The following TICAM2 variants were observed in gnomAD, a reference collection of about 807,000 sequenced individuals.
TICAM2 encodes TIR domain-containing adapter molecule 2.
Under a neutral mutation model 7.3 loss-of-function variants are expected in TICAM2, and 8 were observed. That is an observed-to-expected ratio of 1.10 (90% CI 0.65 to 1.99). The LOEUF is 1.99. Among genes scored for constraint, TICAM2 ranks in the 30% most tolerant of loss-of-function variants. TICAM2 has a pLI of 0.00. For missense variants in TICAM2, 304 were observed against 278.8 expected (o/e 1.09, Z -0.65); for synonymous variants, 113 against 99.6 (o/e 1.13, Z -0.80).
chr5:115,587,961 G>A (rs954476234), intron 1 of TICAM2, among the ~76,000 whole-genome samples: 1 of 152,164 alleles, frequency 6.6e-6, no homozygotes, highest in East Asian at 1.9e-4. Context: ...AGTGGCCCAG[G>A]AACAGCATGA....
rs1754823678 is a variant in TICAM2 at position 115,579,073 on chromosome 5, T to C, written c.*1476A>G. Reference sequence around the variant, plus strand: ...AAATGTCTTTACTCAAGGATCTCTATAAAAATTTATTTTTAAGAAAGCCTG... The same window carrying C: ...AAATGTCTTTACTCAAGGATCTCTACAAAAATTTATTTTTAAGAAAGCCTG... On this transcript the variant is annotated 3_prime_UTR_variant, in exon 2 of 2. Transcript: ENST00000427199. 6.6e-6 allele frequency: 1 copy of C among 152,660 alleles called. No homozygotes were observed. Among genetic ancestry groups the C allele is most frequent in the Non-Finnish European group, 1.5e-5 (1 of 68,040 alleles). 9.5% of individuals were successfully genotyped at this position (152,660 alleles called of 1,614,324 possible).
intron 1 of TICAM2, among the ~76,000 whole-genome samples, chr5:115,592,373 G>A (rs1354645928): frequency 1.3e-5 from 2 of 152,124 alleles, no homozygotes; most frequent in Non-Finnish European, 2.9e-5. Flanking sequence ...TTTAACTTCA[G>A]AGGTACATTT....
chr5:115,580,518 C>T lies in TICAM2; in HGVS notation c.*31G>A. 6.5e-7 allele frequency: 1 copy of T among 1,533,136 alleles called. No individual in the cohort carries two copies. The highest frequency in any genetic ancestry group is 8.7e-7 in the Non-Finnish European group (1 of 1,147,754). The allele number at this position is 1,533,136 out of a possible 1,614,324, so 95.0% of individuals were successfully genotyped here. On this transcript the variant is annotated 3_prime_UTR_variant, in exon 2 of 2. Coordinates refer to ENST00000427199, the MANE Select transcript of TICAM2 (RefSeq NM_021649.7). ...AAGATTAATCATTTGGTTTACAAAA[C>T]AAGAGCCAGCCACATGTTATATGTT...
intron 1 of TICAM2, among the ~76,000 whole-genome samples, chr5:115,583,273 T>C (rs1195396429): frequency 6.6e-6 from 1 of 152,240 alleles, no homozygotes; most frequent in Non-Finnish European, 1.5e-5. Context: ...TATCACTGAA[T>C]TCAACACCAT....
rs1754852076 is a variant in TICAM2 at position 115,579,828 on chromosome 5, A to G, written c.*721T>C. 6.6e-6 allele frequency: 1 copy of G among 152,214 alleles called. No homozygotes were observed. The highest frequency in any genetic ancestry group is 6.5e-5 in the Admixed American group (1 of 15,278). 9.4% of individuals were successfully genotyped at this position (152,214 alleles called of 1,614,324 possible). Reference sequence around the variant, plus strand: ...TTTTAGAAGCTCTGCAAATAAAGCCATAGTTACAAATGATGACTAATATGA... The same window carrying G: ...TTTTAGAAGCTCTGCAAATAAAGCCGTAGTTACAAATGATGACTAATATGA... On this transcript the variant is annotated 3_prime_UTR_variant, in exon 2 of 2. Coordinates refer to ENST00000427199, the MANE Select transcript of TICAM2 (RefSeq NM_021649.7).
intron 1 of TICAM2, among the ~76,000 whole-genome samples, chr5:115,584,525 A>G (rs934819960): frequency 6.6e-6 from 1 of 152,224 alleles, no homozygotes. Context: ...AAGTTTATCT[A>G]TAGAACAATT....
At chr5:115,582,018 C>T (rs1001849142) in intron 1 of TICAM2, 2 of 152,094 alleles carry the variant, frequency 1.3e-5, no homozygotes, top group Non-Finnish European at 2.9e-5. Context: ...TATATTTATT[C>T]ACCTAAGGAA....
At chr5:115,591,938 T>G (rs1333548153) in intron 1 of TICAM2, among the ~76,000 whole-genome samples, 1 of 152,068 alleles carries the variant, frequency 6.6e-6, no homozygotes, top group Non-Finnish European at 1.5e-5. Flanking sequence ...AAAAGTCCTA[T>G]GAACTTCAAG....
In TICAM2 at chr5:115,580,238, G is replaced by C. The variant is rs1754867546; in HGVS notation, c.*311C>G. On this transcript the variant is annotated 3_prime_UTR_variant, in exon 2 of 2. Transcript: ENST00000427199. ...TGTTGTCACATTTTTAAAAATGTCT[G>C]TCATACAAGTTTTTGTTCAAGGTTC... 4.4e-6 allele frequency: 1 copy of C among 224,888 alleles called. No individual in the cohort carries two copies. Among genetic ancestry groups the C allele is most frequent in the African/African-American group, 2.3e-5 (1 of 44,094 alleles). The allele number at this position is 224,888 out of a possible 1,614,324, so 13.9% of individuals were successfully genotyped here.
At chr5:115,601,286 G>A (rs1332264840) in intron 1 of TICAM2, among the ~76,000 whole-genome samples, 1 of 146,242 alleles carries the variant, frequency 6.8e-6, no homozygotes, top group Non-Finnish European at 1.5e-5. Context: ...TAAAAAAATA[G>A]AAATACAGAT....
chr5:115,585,437 G>GA (rs1432303716), intron 1 of TICAM2, among the ~76,000 whole-genome samples: 11 of 152,172 alleles, frequency 7.2e-5, no homozygotes, highest in African/African-American at 2.7e-4. Context: ...TGTTTAGCCA[G>GA]CTGACATTTT....
At chr5:115,581,880 C>G (rs777945882) in intron 1 of TICAM2, 2 of 152,376 alleles carry the variant, frequency 1.3e-5, no homozygotes, top group African/African-American at 4.8e-5. Context: ...TGGTTCGGAG[C>G]TTTTTTTTGT....
At chr5:115,600,635 T>C (rs1034537896) in intron 1 of TICAM2, among the ~76,000 whole-genome samples, 1 of 152,140 alleles carries the variant, frequency 6.6e-6, no homozygotes, top group Non-Finnish European at 1.5e-5. Flanking sequence ...GATCAAATGT[T>C]ACTGAGGGGT....
intron 1 of TICAM2, among the ~76,000 whole-genome samples, chr5:115,594,069 T>C (rs1416147844): frequency 6.6e-6 from 1 of 152,246 alleles, no homozygotes; most frequent in East Asian, 1.9e-4. Flanking sequence ...AGTATCATGC[T>C]TGGTCCTTTT....
chr5:115,582,432 C>G (rs1288676787), intron 1 of TICAM2, among the ~76,000 whole-genome samples: 2 of 150,890 alleles, frequency 1.3e-5, no homozygotes, highest in Non-Finnish European at 2.9e-5. Context: ...CTCAGCCTCT[C>G]AAAGCTCTGG....
At chr5:115,596,754 C>T (rs1032174598) in intron 1 of TICAM2, among the ~76,000 whole-genome samples, 1 of 152,110 alleles carries the variant, frequency 6.6e-6, no homozygotes, top group African/African-American at 2.4e-5. Flanking sequence ...CCCGTCTCTA[C>T]TAAAAATGCA....
intron 1 of TICAM2, among the ~76,000 whole-genome samples, chr5:115,596,782 G>T (rs541177274): frequency 2.6e-5 from 4 of 152,150 alleles, no homozygotes; most frequent in African/African-American, 9.7e-5. Flanking sequence ...AGCCTGGCGT[G>T]GTGGCGGGTG....
chr5:115,601,545 C>CA (rs1755740731), intron 1 of TICAM2, among the ~76,000 whole-genome samples: 1 of 151,934 alleles, frequency 6.6e-6, no homozygotes, highest in Non-Finnish European at 1.5e-5. Flanking sequence ...CCTTGCTTTT[C>CA]AAAATTAAAA....
intron 1 of TICAM2, among the ~76,000 whole-genome samples, chr5:115,597,316 T>G (rs1180758447): frequency 6.6e-6 from 1 of 152,208 alleles, no homozygotes; most frequent in African/African-American, 2.4e-5. Flanking sequence ...TATGGAGATA[T>G]TTTCTGGCAT....
Sources: gnomAD v4.1 joint callset for allele counts (sites outside exome capture counted in the v4.1 genomes callset) on GRCh38, gnomAD v4.1.1 for gene constraint, MANE v1.5 for transcripts, NCBI Gene and HGNC (gene_info 2026-07-23, HGNC 2026-07-21) for gene names.